HBA1: variants seen among roughly 807,000 people sequenced by gnomAD.
HBA1 encodes hemoglobin subunit alpha 1.
In HBA1, 3 loss-of-function variants were observed where a neutral mutation model predicts 7.8. The ratio of observed to expected loss-of-function variants is 0.38; its 90% confidence interval spans 0.17 to 0.99. The LOEUF is 0.99. Among genes scored for constraint, HBA1 ranks in the 50% least tolerant of loss-of-function variants. The pLI is 0.38. For missense variants in HBA1, 67 were observed against 194.6 expected (o/e 0.34, Z 3.90); for synonymous variants, 32 against 91.8 (o/e 0.35, Z 3.72).
rs1250192053 is a variant in HBA1, at chr16:177,153, C to T, written c.300+20C>T. On this transcript the variant is annotated intron_variant, in intron 2 of 2. Transcript: ENST00000320868. ...TTCAAGGTGAGCGGCGGGCCGGGAG[C>T]GATCTGGGTCGAGGGGCGAGATGGC... The T allele has an allele frequency of 1.0e-5, 16 of 1,604,440 alleles. No individual in the cohort carries two copies. Among genetic ancestry groups the T allele is most frequent in the Non-Finnish European group, 1.4e-5 (16 of 1,177,454 alleles).
intron 2 of HBA1, 57 bp from the exon 3 acceptor site, chr16:177,226 G>C (rs1201769588): frequency 6.2e-7 from 1 of 1,611,984 alleles, no homozygotes; most frequent in Admixed American, 1.7e-5. Context: ...GAGGTGTAGC[G>C]CAGGCGGCGG....
rs757531184 is a variant in HBA1, at chr16:177,444, T to C, written c.*33T>C. The C allele has an allele frequency of 2.2e-5, 36 of 1,610,234 alleles. No individual in the cohort carries two copies. In the South Asian group the frequency reaches 2.8e-4, roughly 12 times the overall value. On this transcript the variant is annotated 3_prime_UTR_variant, in exon 3 of 3. Transcript: ENST00000320868. ...CCTCGGTGGCCATGCTTCTTGCCCC[T>C]TGGGCCTCCCCCCAGCCCCTCCTCC...
chr16:177,357 C>G lies in HBA1; in HGVS notation c.375C>G (p.Ser125=). 8 of 1,613,608 alleles carry G rather than the reference C, an allele frequency of 5.0e-6. No homozygotes were observed. The highest frequency in any genetic ancestry group is 6.8e-6 in the Non-Finnish European group (8 of 1,179,906). The change falls in exon 3 of 3, where the codon TCC becomes TCG. Residue 125 remains serine (S), a synonymous_variant. Coordinates refer to ENST00000320868, the MANE Select transcript of HBA1 (RefSeq NM_000558.5). ...AGTTCACCCCTGCGGTGCACGCCTC[C>G]CTGGACAAGTTCCTGGCTTCTGTGA... is the stretch of plus-strand genomic sequence containing the variant. ...PAEFTPAVHA[S]LDKFLASVST... is the part of the protein sequence containing the mutation.
intron 2 of HBA1, 43 bp from the exon 3 acceptor site, chr16:177,240 C>T (rs368048231): frequency 6.2e-7 from 1 of 1,612,526 alleles, no homozygotes; most frequent in South Asian, 1.1e-5. Context: ...GCGGCGGCTG[C>T]GGGCCTGGGC....
At chr16:177,242 G>T (rs760822952) in intron 2 of HBA1, 41 bp from the exon 3 acceptor site, 2 of 1,612,712 alleles carry the variant, frequency 1.2e-6, no homozygotes, top group Non-Finnish European at 1.7e-6. Context: ...GGCGGCTGCG[G>T]GCCTGGGCCC....
At chr16:177,248 G>A in intron 2 of HBA1, 35 bp from the exon 3 acceptor site, 1 of 1,612,704 alleles carries the variant, frequency 6.2e-7, no homozygotes, top group Non-Finnish European at 8.5e-7. Flanking sequence ...TGCGGGCCTG[G>A]GCCCTCGGCC....
At chr16:177,230 G>A in intron 2 of HBA1, 53 bp from the exon 3 acceptor site, 2 of 1,612,272 alleles carry the variant, frequency 1.2e-6, no homozygotes, top group Non-Finnish European at 1.7e-6. Flanking sequence ...TGTAGCGCAG[G>A]CGGCGGCTGC....
At position 177,426 on chromosome 16, in the gene HBA1, G is replaced by T; in HGVS notation, c.*15G>T. The T allele has an allele frequency of 6.2e-7, 1 of 1,612,892 alleles. No individual in the cohort carries two copies. Among genetic ancestry groups the T allele is most frequent in the Non-Finnish European group, 8.5e-7 (1 of 1,179,750 alleles). On this transcript the variant is annotated 3_prime_UTR_variant, in exon 3 of 3. Transcript: ENST00000320868. ...AATACCGTTAAGCTGGAGCCTCGGT[G>T]GCCATGCTTCTTGCCCCTTGGGCCT...
rs1902163109 is a variant in HBA1 at position 177,149 on chromosome 16, G to A, written c.300+16G>A. The stretch of plus-strand genomic sequence containing the variant: ...CAACTTCAAGGTGAGCGGCGGGCCG[G>A]GAGCGATCTGGGTCGAGGGGCGAGA... On this transcript the variant is annotated intron_variant, in intron 2 of 2. Transcript: ENST00000320868. 4 of 1,603,662 alleles carry A rather than the reference G, an allele frequency of 2.5e-6. No individual in the cohort carries two copies. The highest frequency in any genetic ancestry group is 3.4e-6 in the Non-Finnish European group (4 of 1,177,204).
chr16:177,461 C>T lies in HBA1; in HGVS notation c.*50C>T. On this transcript the variant is annotated 3_prime_UTR_variant, in exon 3 of 3. Coordinates refer to ENST00000320868, the MANE Select transcript of HBA1 (RefSeq NM_000558.5). ...CTTGCCCCTTGGGCCTCCCCCCAGCCCCTCCTCCCCTTCCTGCACCCGTAC... is the reference window on the plus strand; with the variant it reads ...CTTGCCCCTTGGGCCTCCCCCCAGCTCCTCCTCCCCTTCCTGCACCCGTAC... The T allele has an allele frequency of 6.3e-7, 1 of 1,597,694 alleles. No homozygotes were observed. Among genetic ancestry groups the T allele is most frequent in the African/African-American group, 1.3e-5 (1 of 74,762 alleles).
rs200499392 is a variant in HBA1, at chr16:177,423, G to A, written c.*12G>A. On this transcript the variant is annotated 3_prime_UTR_variant, in exon 3 of 3. Transcript: ENST00000320868. ...CCAAATACCGTTAAGCTGGAGCCTC[G>A]GTGGCCATGCTTCTTGCCCCTTGGG... 1 of 1,613,230 alleles carries A rather than the reference G, an allele frequency of 6.2e-7. No individual in the cohort carries two copies. The highest frequency in any genetic ancestry group is 1.7e-5 in the Admixed American group (1 of 59,944).
chr16:177,227 C>G (rs1255442538), intron 2 of HBA1, 56 bp from the exon 3 acceptor site: 58 of 1,612,140 alleles, frequency 3.6e-5, no homozygotes, highest in Non-Finnish European at 1.7e-5. Flanking sequence ...AGGTGTAGCG[C>G]AGGCGGCGGC....
Position 177,103 on chromosome 16 carries a change from C to G in HBA1, c.270C>G (p.His90Gln), listed in dbSNP as rs1061009. ...ALSALSDLHA[H>Q]KLRVDPVNFK... Reference sequence around the variant, plus strand: ...CCGCCCTGAGCGACCTGCACGCGCACAAGCTTCGGGTGGACCCGGTCAACT... The same window carrying G: ...CCGCCCTGAGCGACCTGCACGCGCAGAAGCTTCGGGTGGACCCGGTCAACT... The change falls in exon 2 of 3, where the codon CAC becomes CAG. Residue 90 changes from histidine (H) to glutamine (Q), a missense_variant. His to Gln is a conservative substitution (Grantham distance 24). This residue lies in a region of HBA1 where 58 missense variants were observed against 91.9 expected (regional missense o/e 0.63). Transcript: ENST00000320868. The G allele has an allele frequency of 1.3e-6, 2 of 1,556,356 alleles. No individual in the cohort carries two copies. Among genetic ancestry groups the G allele is most frequent in the African/African-American group, 2.7e-5 (2 of 73,850 alleles).
Position 177,356 on chromosome 16 carries a change from C to T in HBA1, c.374C>T (p.Ser125Phe). 1.2e-6 allele frequency: 2 copies of T among 1,613,586 alleles called. No homozygotes were observed. The highest frequency in any genetic ancestry group is 1.7e-6 in the Non-Finnish European group (2 of 1,179,902). ...PAEFTPAVHA[S>F]LDKFLASVST... Reference sequence around the variant, plus strand: ...GAGTTCACCCCTGCGGTGCACGCCTCCCTGGACAAGTTCCTGGCTTCTGTG... The same window carrying T: ...GAGTTCACCCCTGCGGTGCACGCCTTCCTGGACAAGTTCCTGGCTTCTGTG... The change falls in exon 3 of 3, where the codon TCC (serine) becomes TTC (phenylalanine). Residue 125 changes from serine to phenylalanine, a missense_variant. Physicochemically the swap from Ser to Phe is radical, Grantham distance 155. Around this residue, in one of 2 missense-constraint regions of HBA1, gnomAD observed 58 missense variants for 91.9 expected, o/e 0.63. Transcript: ENST00000320868.
At position 177,386 on chromosome 16, in the gene HBA1, C is replaced by T. The variant is rs281864487; in HGVS notation, c.404C>T (p.Thr135Ile). 6.2e-7 allele frequency: 1 copy of T among 1,613,810 alleles called. No individual in the cohort carries two copies. Among genetic ancestry groups the T allele is most frequent in the East Asian group, 2.2e-5 (1 of 44,860 alleles). The change falls in exon 3 of 3, where the codon ACC becomes ATC. Residue 135 changes from threonine to isoleucine, a missense_variant. Thr to Ile is a moderately conservative substitution (Grantham distance 89, BLOSUM62 -1). Transcript: ENST00000320868. ...GACAAGTTCCTGGCTTCTGTGAGCA[C>T]CGTGCTGACCTCCAAATACCGTTAA... ...SLDKFLASVS[T>I]VLTSKYR
At position 177,286 on chromosome 16, in the gene HBA1, C is replaced by G; in HGVS notation, c.304C>G (p.Leu102Val). 6.2e-7 allele frequency: 1 copy of G among 1,613,422 alleles called. No individual in the cohort carries two copies. Among genetic ancestry groups the G allele is most frequent in the Non-Finnish European group, 8.5e-7 (1 of 1,179,966 alleles). Residue 102 changes from leucine to valine, a missense_variant, in exon 3 of 3, where the codon CTA (leucine) becomes GTA (valine). Transcript: ENST00000320868. ...ACTGACCCTCTTCTCTGCACAGCTC[C>G]TAAGCCACTGCCTGCTGGTGACCCT... ...LRVDPVNFKLLSHCLLVTLAA... is the reference protein window; with the variant it reads ...LRVDPVNFKLVSHCLLVTLAA...
chr16:177,266 C>T lies in HBA1; in HGVS notation c.301-17C>T, dbSNP rs571422135. On this transcript the variant is annotated splice_polypyrimidine_tract_variant and intron_variant, in intron 2 of 2. Transcript: ENST00000320868. Reference sequence around the variant, plus strand: ...GGGCCTGGGCCCTCGGCCCCACTGACCCTCTTCTCTGCACAGCTCCTAAGC... The same window carrying T: ...GGGCCTGGGCCCTCGGCCCCACTGATCCTCTTCTCTGCACAGCTCCTAAGC... 3.7e-6 allele frequency: 6 copies of T among 1,613,156 alleles called. No individual in the cohort carries two copies. The highest frequency in any genetic ancestry group is 5.1e-6 in the Non-Finnish European group (6 of 1,179,952).
In HBA1 at chr16:177,325, C is replaced by A. The variant is rs34472107; in HGVS notation, c.343C>A (p.Pro115Thr). Residue 115 changes from proline to threonine, a missense_variant, in exon 3 of 3, where the codon CCC (proline) becomes ACC (threonine). By Grantham distance (38) the Pro-to-Thr change is conservative. Coordinates refer to ENST00000320868, the MANE Select transcript of HBA1 (RefSeq NM_000558.5). ...CLLVTLAAHL[P>T]AEFTPAVHAS... Reference sequence around the variant, plus strand: ...GCTGGTGACCCTGGCCGCCCACCTCCCCGCCGAGTTCACCCCTGCGGTGCA... The same window carrying A: ...GCTGGTGACCCTGGCCGCCCACCTCACCGCCGAGTTCACCCCTGCGGTGCA... The A allele has an allele frequency of 6.2e-7, 1 of 1,613,290 alleles. No individual in the cohort carries two copies. The highest frequency in any genetic ancestry group is 2.2e-5 in the East Asian group (1 of 44,830).
rs758093235 is a variant in HBA1 at position 177,134 on chromosome 16, G to A, written c.300+1G>A. ...TCGGGTGGACCCGGTCAACTTCAAG[G>A]TGAGCGGCGGGCCGGGAGCGATCTG... On this transcript the variant is annotated splice_donor_variant, in intron 2 of 2. Coordinates refer to ENST00000320868, the MANE Select transcript of HBA1 (RefSeq NM_000558.5). LOFTEE classifies it high-confidence loss of function. 10 of 1,592,806 alleles carry A rather than the reference G, an allele frequency of 6.3e-6. No homozygotes were observed. Among genetic ancestry groups the A allele is most frequent in the South Asian group, 2.2e-5 (2 of 89,914 alleles).
Sources: allele counts gnomAD v4.1 joint callset, GRCh38; gene constraint gnomAD v4.1.1; regional missense constraint gnomAD v4.1.1; transcripts MANE v1.5; gene names NCBI Gene and HGNC (gene_info 2026-07-23, HGNC 2026-07-21).